SNRNP70: variants seen among roughly 807,000 people sequenced by gnomAD.
The protein encoded by SNRNP70 is small nuclear ribonucleoprotein U1 subunit 70.
SNRNP70 carries 8 observed loss-of-function variants against 50.5 expected under a neutral mutation model. The ratio of observed to expected loss-of-function variants is 0.16; its 90% CI spans 0.09 to 0.29. SNRNP70 has a LOEUF of 0.29. SNRNP70 is among the 10% of genes least tolerant of loss of function. SNRNP70 has a pLI of 1.00. For missense variants in SNRNP70, 529 were observed against 663.5 expected, an observed-to-expected ratio of 0.80 and a Z score of 2.23; for synonymous variants, 320 against 252.9, an observed-to-expected ratio of 1.27 and a Z score of -2.52.
chr19:49,086,521 A>G lies in SNRNP70; in HGVS notation c.107A>G (p.Gln36Arg). 1 of 1,613,854 alleles carries G rather than the reference A, an allele frequency of 6.2e-7. No individual in the cohort carries two copies. The highest frequency in any genetic ancestry group is 8.5e-7 in the Non-Finnish European group (1 of 1,179,940). The change falls in exon 2 of 10, where the codon CAA becomes CGA. Residue 36 changes from glutamine (Q) to arginine (R), a missense_variant. Gln to Arg is a conservative substitution (Grantham distance 43). This residue lies in a region of SNRNP70 where 149 missense variants were observed against 259.7 expected (regional missense o/e 0.57). Coordinates refer to ENST00000598441, the MANE Select transcript of SNRNP70 (RefSeq NM_003089.6). ...EKLPHEKHHNQPYCGIAPYIR... is the reference protein window; with the variant it reads ...EKLPHEKHHNRPYCGIAPYIR... ...CTGCCACATGAAAAACACCACAATC[A>G]ACCTTATTGTGGCATTGCGCCGTAC... is the stretch of plus-strand genomic sequence containing the variant.
chr19:49,085,866 C>T (rs573227836), intron 1 of SNRNP70, among the ~76,000 whole-genome samples: 3 of 147,470 alleles, frequency 2.0e-5, no homozygotes, highest in South Asian at 2.1e-4. Context: ...GGCCTTTTTT[C>T]TTTTTCGTTT....
chr19:49,086,300 C>T (rs2040378669), intron 1 of SNRNP70, 105 bp from the exon 2 acceptor site: 2 of 1,328,520 alleles, frequency 1.5e-6, no homozygotes, highest in East Asian at 2.4e-5. Context: ...TGTTTTAATT[C>T]CGAGACTTTT....
chr19:49,105,748 CA>C (rs1021517864), intron 8 of SNRNP70, among the ~76,000 whole-genome samples: 7 of 150,622 alleles, frequency 4.6e-5, no homozygotes, highest in African/African-American at 1.7e-4. Context: ...AAACAAAAAA[CA>C]AAAAAACTGG....
At chr19:49,092,930 C>CTTTTTTTTTTTTTTTTTTTTTTTTTTT (rs2040465662) in intron 4 of SNRNP70, among the ~76,000 whole-genome samples, 1 of 149,694 alleles carries the variant, frequency 6.7e-6, no homozygotes, top group Admixed American at 6.9e-5. Context: ...TTGTTTTGTT[C>CTTTTTTTTTTTTTTTTTTTTTTTTTTT]TTAGGGACAG....
chr19:49,091,627 G>T (rs1313375089), intron 4 of SNRNP70, among the ~76,000 whole-genome samples: 1 of 152,176 alleles, frequency 6.6e-6, no homozygotes, highest in Non-Finnish European at 1.5e-5. Flanking sequence ...CATGACTCTA[G>T]TGAGAAGACA....
intron 2 of SNRNP70, among the ~76,000 whole-genome samples, chr19:49,087,227 ATT>A (rs2040393472): frequency 6.6e-6 from 1 of 151,614 alleles, no homozygotes; most frequent in Non-Finnish European, 1.5e-5. Context: ...CTTTTGTAGA[ATT>A]TTTGTGAAAA....
intron 7 of SNRNP70, chr19:49,103,055 T>G (rs901543542): frequency 6.6e-6 from 1 of 152,572 alleles, no homozygotes. Context: ...TGGACCCCTG[T>G]GTGCCAGCCT....
chr19:49,101,505 C>G lies in SNRNP70; in HGVS notation c.475+34C>G, dbSNP rs768850113. 2.7e-6 allele frequency: 4 copies of G among 1,470,232 alleles called. No individual in the cohort carries two copies. The East Asian group carries it at 6.8e-5, about 25-fold the overall frequency. 91.1% of individuals were successfully genotyped at this position (1,470,232 alleles called of 1,614,324 possible). A position where few individuals can be genotyped will look rare whatever the true frequency, so the allele number is the denominator to read the frequency against. On this transcript the variant is annotated intron_variant, in intron 7 of 9. Transcript: ENST00000598441. Reference sequence around the variant, plus strand: ...CTCCCGCCGAGCCCTGCCCTCTGACCTGCTCTCACTTCTCTGCTGCCCCAG... The same window carrying G: ...CTCCCGCCGAGCCCTGCCCTCTGACGTGCTCTCACTTCTCTGCTGCCCCAG...
At chr19:49,092,216 C>T (rs1242042600) in intron 4 of SNRNP70, among the ~76,000 whole-genome samples, 1 of 152,118 alleles carries the variant, frequency 6.6e-6, no homozygotes, top group Non-Finnish European at 1.5e-5. Context: ...TCAAGTGATT[C>T]TCCTGCTTCA....
intron 8 of SNRNP70, among the ~76,000 whole-genome samples, chr19:49,105,866 G>C (rs2040660822): frequency 6.6e-6 from 1 of 152,216 alleles, no homozygotes; most frequent in Non-Finnish European, 1.5e-5. Flanking sequence ...AGCGCAGCAG[G>C]CCACAGGCCC....
chr19:49,090,549 C>T (rs2040435263), intron 4 of SNRNP70, 29 bp downstream of exon 4: 2 of 1,608,510 alleles, frequency 1.2e-6, no homozygotes, highest in Non-Finnish European at 1.7e-6. Context: ...ATTTGGCTCT[C>T]TCCTCTCCCA....
Position 49,107,064 on chromosome 19 carries a change from G to C in SNRNP70, c.578-561G>C, listed in dbSNP as rs1178158786. Reference sequence around the variant, plus strand: ...GGGTGAGCGTGAGTTCACCAGAGAAGGAAGGGGAGACCAGTCCAGGGCAAG... The same window carrying C: ...GGGTGAGCGTGAGTTCACCAGAGAACGAAGGGGAGACCAGTCCAGGGCAAG... On this transcript the variant is annotated intron_variant, in intron 8 of 9. Transcript: ENST00000598441. The surrounding 1 kb of genome is among the most constrained non-coding windows in gnomAD (Gnocchi z 6.0). Among the ~76,000 whole-genome samples, 1 of 152,182 alleles carries C rather than the reference G, an allele frequency of 6.6e-6. No individual in the cohort carries two copies.
At chr19:49,086,350 G>T in intron 1 of SNRNP70, 55 bp from the exon 2 acceptor site, 1 of 1,527,966 alleles carries the variant, frequency 6.5e-7, no homozygotes, top group Non-Finnish European at 8.8e-7. Context: ...GAGTAACAGG[G>T]GCTTTCTCTG....
In SNRNP70 at chr19:49,104,787, C is replaced by T; in HGVS notation, c.577+52C>T. On this transcript the variant is annotated intron_variant, in intron 8 of 9. Coordinates refer to ENST00000598441, the MANE Select transcript of SNRNP70 (RefSeq NM_003089.6). This position sits in a 1 kb window ranked among gnomAD's most constrained non-coding sequence, Gnocchi z 5.4. ...TCTCGGGGGCCCTGGGCCTGGTGGC[C>T]TTGTTCTCCCTTCTCTGCTGCTTTC... is the stretch of plus-strand genomic sequence containing the variant. 8.7e-7 allele frequency: 1 copy of T among 1,148,718 alleles called. No homozygotes were observed. The highest frequency in any genetic ancestry group is 1.5e-5 in the South Asian group (1 of 66,576). The allele number at this position is 1,148,718 out of a possible 1,614,324, so 71.2% of individuals were successfully genotyped here.
chr19:49,086,127 C>T (rs1011924631), intron 1 of SNRNP70, among the ~76,000 whole-genome samples: 5 of 152,168 alleles, frequency 3.3e-5, no homozygotes, highest in Non-Finnish European at 7.3e-5. Flanking sequence ...CCCAGGGAAC[C>T]TCTCCGCCCC....
chr19:49,102,455 C>T (rs906740707), intron 7 of SNRNP70: 9 of 271,692 alleles, frequency 3.3e-5, no homozygotes, highest in Admixed American at 1.3e-4. Flanking sequence ...TCTGATGACC[C>T]GGCTTCGTGA....
intron 7 of SNRNP70, chr19:49,101,975 G>A (rs1391359770): frequency 2.2e-5 from 9 of 414,950 alleles, no homozygotes; most frequent in South Asian, 8.8e-5. Flanking sequence ...CATGTTGAGC[G>A]CCTGCCCCTA....
chr19:49,106,253 A>G (rs1439566011), intron 8 of SNRNP70, among the ~76,000 whole-genome samples: 1 of 152,196 alleles, frequency 6.6e-6, no homozygotes, highest in Non-Finnish European at 1.5e-5. Flanking sequence ...CTAGAATCTC[A>G]GTCTTTCCAG....
chr19:49,092,901 C>CT lies in SNRNP70; in HGVS notation c.265+2391dup, dbSNP rs569222658. Among the ~76,000 whole-genome samples the CT allele has an allele frequency of 6.3e-4, 84 of 134,296 alleles. 3 individuals are homozygous for CT. In the South Asian group the frequency reaches 0.01, roughly 17 times the overall value. 88.1% of individuals were successfully genotyped at this position (134,296 alleles called of 152,430 possible). A position where few individuals can be genotyped will look rare whatever the true frequency, so the allele number is the denominator to read the frequency against. On this transcript the variant is annotated intron_variant, in intron 4 of 9. Transcript: ENST00000598441. ...AGGTGTCAGCCATTGTGCTCAGCCT[C>CT]TTTTTTTTTTGTTGTGTTTTGTTTT...
Sources: gnomAD v4.1 joint callset for allele counts (sites outside exome capture counted in the v4.1 genomes callset) on GRCh38, gnomAD v4.1.1 for gene constraint, gnomAD v4.1.1 regional missense constraint, Gnocchi (gnomAD v3.1) non-coding constraint, MANE v1.5 for transcripts, NCBI Gene and HGNC (gene_info 2026-07-23, HGNC 2026-07-21) for gene names.